Variants in TMEM63B observed in about 807,000 individuals in gnomAD.
TMEM63B encodes the protein mechanosensitive cation channel TMEM63B.
Under a neutral mutation model 102.6 loss-of-function variants are expected in TMEM63B, and 23 were observed. The ratio of observed to expected loss-of-function variants is 0.22; its 90% CI spans 0.16 to 0.32. The LOEUF (loss-of-function observed/expected upper bound fraction) is 0.32, where lower values mean the gene tolerates loss of function less well. Among genes scored for constraint, TMEM63B ranks in the 10% least tolerant of loss-of-function variants. The pLI, the probability that TMEM63B is intolerant of heterozygous loss-of-function variation, is 1.00. For missense variants in TMEM63B, 628 were observed against 1,095.9 expected, an observed-to-expected ratio of 0.57 and a Z score of 6.03; for synonymous variants, 444 against 437.0, an observed-to-expected ratio of 1.02 and a Z score of -0.20.
chr6:44,131,536 T>C (rs1180267613), intron 1 of TMEM63B, among the ~76,000 whole-genome samples: 1 of 151,960 alleles, frequency 6.6e-6, no homozygotes, highest in African/African-American at 2.4e-5. Flanking sequence ...CTGGCCAACA[T>C]GGTGAAACCC....
intron 10 of TMEM63B, 97 bp from the exon 11 acceptor site, chr6:44,146,750 C>A: frequency 1.6e-6 from 2 of 1,251,810 alleles, no homozygotes; most frequent in South Asian, 1.2e-5. Context: ...CACGTCCAGC[C>A]AGAGATGTGT....
At chr6:44,134,404 A>G (rs2128225314) in intron 1 of TMEM63B, 157 bp from the exon 2 acceptor site, 2 of 697,570 alleles carry the variant, frequency 2.9e-6, no homozygotes, top group East Asian at 5.6e-5. Context: ...ATGTGACTCA[A>G]CTCTCCCCTC....
Position 44,153,659 on chromosome 6 carries a change from C to T in TMEM63B, c.1943-17C>T. 6.2e-7 allele frequency: 1 copy of T among 1,609,628 alleles called. No homozygotes were observed. Among genetic ancestry groups the T allele is most frequent in the Non-Finnish European group, 8.5e-7 (1 of 1,177,220 alleles). On this transcript the variant is annotated splice_polypyrimidine_tract_variant and intron_variant, in intron 20 of 23. Transcript: ENST00000323267. ...CAGCACTGGTTCCGAGGTCAGGGCCCATGTGGCTTCCCTTAGGGCTCATGT... is the reference window on the plus strand; with the variant it reads ...CAGCACTGGTTCCGAGGTCAGGGCCTATGTGGCTTCCCTTAGGGCTCATGT...
In TMEM63B at chr6:44,155,225, G is replaced by A; in HGVS notation, c.*342G>A. On this transcript the variant is annotated 3_prime_UTR_variant, in exon 24 of 24. Coordinates refer to ENST00000323267, the MANE Select transcript of TMEM63B (RefSeq NM_018426.3). ...CCTGGTGCACCTGGTGCCGGTGGCT[G>A]GAGACCTGGGGGGCAGGTGGATCTG... The A allele has an allele frequency of 6.0e-6, 1 of 166,598 alleles. No homozygotes were observed. The highest frequency in any genetic ancestry group is 1.3e-5 in the Non-Finnish European group (1 of 78,024). 10.3% of individuals were successfully genotyped at this position (166,598 alleles called of 1,614,324 possible).
chr6:44,145,410 A>C (rs1055675536), intron 10 of TMEM63B, among the ~76,000 whole-genome samples: 2 of 149,474 alleles, frequency 1.3e-5, no homozygotes, highest in African/African-American at 2.5e-5. Flanking sequence ...TTGAAACCCT[A>C]TCTCTACTAA....
At position 44,135,311 on chromosome 6, in the gene TMEM63B, C is replaced by G. The variant is rs760078533; in HGVS notation, c.240-17C>G. 1.9e-6 allele frequency: 3 copies of G among 1,611,678 alleles called. No homozygotes were observed. The highest frequency in any genetic ancestry group is 2.5e-6 in the Non-Finnish European group (3 of 1,178,716). On this transcript the variant is annotated splice_polypyrimidine_tract_variant and intron_variant, in intron 3 of 23. Coordinates refer to ENST00000323267, the MANE Select transcript of TMEM63B (RefSeq NM_018426.3). ...TCTCCCCCGCCCCTGCTAACCCTGT[C>G]TGTTCTCTGTCCCCAGGCTTCGGCG...
At chr6:44,145,003 G>A (rs1765052819) in intron 10 of TMEM63B, among the ~76,000 whole-genome samples, 1 of 152,108 alleles carries the variant, frequency 6.6e-6, no homozygotes, top group South Asian at 2.1e-4. Flanking sequence ...CTGGCCAGGT[G>A]CGGTGGCTCA....
At chr6:44,134,878 C>T in intron 2 of TMEM63B, 135 bp downstream of exon 2, 1 of 1,484,694 alleles carries the variant, frequency 6.7e-7, no homozygotes, top group Non-Finnish European at 9.2e-7. Flanking sequence ...TCATCCAGCC[C>T]AAGCCTCGCC....
In TMEM63B at chr6:44,148,219, A is replaced by G. The variant is rs776876039; in HGVS notation, c.988-33A>G. 1.4e-5 allele frequency: 22 copies of G among 1,611,278 alleles called. No homozygotes were observed. The East Asian group carries it at 4.0e-4, about 29-fold the overall frequency. On this transcript the variant is annotated intron_variant, in intron 12 of 23. Coordinates refer to ENST00000323267, the MANE Select transcript of TMEM63B (RefSeq NM_018426.3). The surrounding 1 kb of genome is among the most constrained non-coding windows in gnomAD (Gnocchi z 5.1). ...CTGCAGGCCCCAGCCTGGCTTTCCA[A>G]CTAGAGGCCCTGTCCCTAACCCTCC...
rs1191662510 is a variant in TMEM63B, at chr6:44,132,140, T to C, written c.-24-2421T>C. 5 of 514,190 alleles carry C rather than the reference T, an allele frequency of 9.7e-6. No homozygotes were observed. The East Asian group carries it at 4.5e-4, about 46-fold the overall frequency. The allele number at this position is 514,190 out of a possible 1,614,324, so 31.9% of individuals were successfully genotyped here. A position where few individuals can be genotyped will look rare whatever the true frequency, so the allele number is the denominator to read the frequency against. ...CTGTCCTGTCACTGTGCAAGTTGCTTCCCCTACTGGGTTCCTGCTTCCTCC... is the reference window on the plus strand; with the variant it reads ...CTGTCCTGTCACTGTGCAAGTTGCTCCCCCTACTGGGTTCCTGCTTCCTCC... On this transcript the variant is annotated intron_variant, in intron 1 of 23. Transcript: ENST00000323267.
chr6:44,152,710 C>A lies in TMEM63B; in HGVS notation c.1942+12C>A. 1.3e-6 allele frequency: 2 copies of A among 1,599,602 alleles called. No individual in the cohort carries two copies. The highest frequency in any genetic ancestry group is 1.7e-6 in the Non-Finnish European group (2 of 1,175,288). On this transcript the variant is annotated intron_variant, in intron 20 of 23. Transcript: ENST00000323267. The surrounding 1 kb of genome is among the most constrained non-coding windows in gnomAD (Gnocchi z 6.4). ...CATCGTGCCCTTCGGTAGGCACCGCCGCGCCGGGACCTGGGCCCTGCTCGG... is the reference window on the plus strand; with the variant it reads ...CATCGTGCCCTTCGGTAGGCACCGCAGCGCCGGGACCTGGGCCCTGCTCGG...
At position 44,152,035 on chromosome 6, in the gene TMEM63B, C is replaced by T. The variant is rs1335049903; in HGVS notation, c.1836+27C>T. ...TACGGCCGCCTGGGGCAGCAGCGGC[C>T]CGCACAGCGCCCCCTGGTGGCCCAA... On this transcript the variant is annotated intron_variant, in intron 19 of 23. Coordinates refer to ENST00000323267, the MANE Select transcript of TMEM63B (RefSeq NM_018426.3). The surrounding 1 kb of genome is among the most constrained non-coding windows in gnomAD (Gnocchi z 6.4). 2.6e-6 allele frequency: 4 copies of T among 1,567,586 alleles called. No homozygotes were observed. In the African/African-American group the frequency reaches 4.1e-5, roughly 16 times the overall value.
rs1292224581 is a variant in TMEM63B at position 44,154,927 on chromosome 6, CCCCACT to C, written c.*50_*55del. On this transcript the variant is annotated 3_prime_UTR_variant, in exon 24 of 24. Transcript: ENST00000323267. ...GAGGCCACATCCTGCCCCACCCCAC[CCCCACT>C]CCCACGGACACTAAAACGCTAATAA... 1 of 1,460,774 alleles carries C rather than the reference CCCCACT, an allele frequency of 6.8e-7. No individual in the cohort carries two copies. Among genetic ancestry groups the C allele is most frequent in the South Asian group, 1.4e-5 (1 of 69,444 alleles). The allele number at this position is 1,460,774 out of a possible 1,614,324, so 90.5% of individuals were successfully genotyped here. A position where few individuals can be genotyped will look rare whatever the true frequency, so the allele number is the denominator to read the frequency against.
Position 44,146,833 on chromosome 6 carries a change from GAACTGTGTTTCAGGGAAGCCTACCCC to G in TMEM63B, c.783-8_800del. On this transcript the variant is annotated splice_acceptor_variant and splice_polypyrimidine_tract_variant and coding_sequence_variant and intron_variant, in exon 11 of 24. Coordinates refer to ENST00000323267, the MANE Select transcript of TMEM63B (RefSeq NM_018426.3). LOFTEE classifies it high-confidence loss of function. ...GGGGTCCCTGCACAAGATGATACAT[GAACTGTGTTTCAGGGAAGCCTACCCC>G]AACTGCACAGTTCTCGAAGCCCGCC... 1 of 1,613,688 alleles carries G rather than the reference GAACTGTGTTTCAGGGAAGCCTACCCC, an allele frequency of 6.2e-7. No homozygotes were observed. The highest frequency in any genetic ancestry group is 8.5e-7 in the Non-Finnish European group (1 of 1,179,756).
chr6:44,151,821 G>A, intron 18 of TMEM63B, 25 bp from the exon 19 acceptor site: 1 of 1,592,742 alleles, frequency 6.3e-7, no homozygotes, highest in Non-Finnish European at 8.6e-7. Context: ...CAAGGGTGCA[G>A]TGCTGGAGCA....
At chr6:44,138,303 CCT>C (rs1387837338) in intron 5 of TMEM63B, 175 bp from the exon 6 acceptor site, 51 of 706,688 alleles carry the variant, frequency 7.2e-5, no homozygotes, top group Non-Finnish European at 9.1e-5. Flanking sequence ...TGAGACCTTC[CCT>C]CTCTCTCTCC....
rs758579128 is a variant in TMEM63B, at chr6:44,141,025, C to T, written c.712-3C>T. ...AAGGCAAACCCACTCCCCTGTCACC[C>T]AGGTGAAGCGGACCCTCTTCATCAA... is the stretch of plus-strand genomic sequence containing the variant. On this transcript the variant is annotated splice_region_variant and splice_polypyrimidine_tract_variant and intron_variant, in intron 9 of 23. Transcript: ENST00000323267. The T allele has an allele frequency of 2.5e-6, 4 of 1,613,988 alleles. No individual in the cohort carries two copies. The highest frequency in any genetic ancestry group is 2.5e-6 in the Non-Finnish European group (3 of 1,179,938).
intron 8 of TMEM63B, among the ~76,000 whole-genome samples, chr6:44,139,987 G>A (rs991266255): frequency 6.6e-6 from 1 of 152,170 alleles, no homozygotes; most frequent in Admixed American, 6.5e-5. Context: ...ACCAGGGAGG[G>A]CCAGCTGGGG....
intron 18 of TMEM63B, 33 bp from the exon 19 acceptor site, chr6:44,151,813 A>G: frequency 1.9e-6 from 3 of 1,571,162 alleles, no homozygotes; most frequent in Admixed American, 1.9e-5. Flanking sequence ...GGTCACCCCA[A>G]GGGTGCAGTG....
Sources: allele counts gnomAD v4.1 joint callset (sites outside exome capture counted in the v4.1 genomes callset), GRCh38; gene constraint gnomAD v4.1.1; non-coding constraint Gnocchi (gnomAD v3.1); transcripts MANE v1.5; gene names NCBI Gene and HGNC (gene_info 2026-07-23, HGNC 2026-07-21).